Variants in TMEM150B observed in about 807,000 individuals in gnomAD.
TMEM150B encodes modulator of macroautophagy TMEM150B.
A neutral mutation model predicts 25.2 loss-of-function variants in TMEM150B; 33 were observed. The ratio of observed to expected loss-of-function variants is 1.31; its 90% CI spans 0.99 to 1.75. TMEM150B has a LOEUF of 1.75. Ranked by LOEUF, TMEM150B falls within the 40% of genes most tolerant of loss-of-function variation. TMEM150B has a pLI of 0.00. For missense variants in TMEM150B, 322 were observed against 306.1 expected (o/e 1.05, Z -0.39); for synonymous variants, 133 against 134.8 (o/e 0.99, Z 0.09).
chr19:55,312,935 C>CAG lies in TMEM150B; in HGVS notation c.624_625dup (p.Cys209SerfsTer?). The CAG allele has an allele frequency of 6.2e-7, 1 of 1,612,212 alleles. No individual in the cohort carries two copies. ...GGGCCACGGCTGAACACACAGGGTG[C>CAG]AGCTCTCCAGGGCGGAGAAGTCAAC... On this transcript the variant is annotated frameshift_variant, in exon 8 of 8. Coordinates refer to ENST00000326652, the MANE Select transcript of TMEM150B (RefSeq NM_001282011.2). LOFTEE classifies it low-confidence loss of function (END_TRUNC).
chr19:55,323,829 CAG>C (rs1390073657), intron 1 of TMEM150B, among the ~76,000 whole-genome samples: 1 of 85,156 alleles, frequency 1.2e-5, no homozygotes, highest in East Asian at 3.7e-4. Flanking sequence ...TTTTCTGAAA[CAG>C]AGTCTCCCTC....
Position 55,312,822 on chromosome 19 carries a change from T to C in TMEM150B, c.*37A>G. The C allele has an allele frequency of 6.5e-7, 1 of 1,537,962 alleles. No individual in the cohort carries two copies. The highest frequency in any genetic ancestry group is 8.8e-7 in the Non-Finnish European group (1 of 1,140,064). On this transcript the variant is annotated 3_prime_UTR_variant, in exon 8 of 8. Transcript: ENST00000326652. ...CTGGGATTGGCCCCATCTTTCCTGC[T>C]TCACTGGTGAGGGCAAGGCCCGGGT...
chr19:55,316,872 A>G lies in TMEM150B; in HGVS notation c.419T>C (p.Leu140Pro). ...YFWLQLLLWRLKRLPQPGAAW... is the reference protein window; with the variant it reads ...YFWLQLLLWRPKRLPQPGAAW... Reference sequence around the variant, plus strand: ...AGCCCCGGGCTGGGGCAGCCTCTTCAGCCTCCACAGGAGGAGCTGCAGCCA... The same window carrying G: ...AGCCCCGGGCTGGGGCAGCCTCTTCGGCCTCCACAGGAGGAGCTGCAGCCA... Residue 140 changes from leucine (L) to proline (P), a missense_variant, in exon 7 of 8, where the codon CTG (leucine) becomes CCG (proline). Transcript: ENST00000326652. The G allele has an allele frequency of 6.2e-7, 1 of 1,601,384 alleles. No individual in the cohort carries two copies. The highest frequency in any genetic ancestry group is 1.8e-5 in the Admixed American group (1 of 56,780).
In TMEM150B at chr19:55,320,172, A is replaced by C; in HGVS notation, c.197-6T>G. 1.2e-6 allele frequency: 2 copies of C among 1,613,382 alleles called. No individual in the cohort carries two copies. Among genetic ancestry groups the C allele is most frequent in the Non-Finnish European group, 1.7e-6 (2 of 1,179,666 alleles). On this transcript the variant is annotated splice_region_variant and splice_polypyrimidine_tract_variant and intron_variant, in intron 5 of 7. Coordinates refer to ENST00000326652, the MANE Select transcript of TMEM150B (RefSeq NM_001282011.2). ...GACAATGCAGATCCACGCGGCTGGG[A>C]GTAGAGGGGAGAAGGAAGTGGGAGG...
At chr19:55,317,148 G>A (rs948151515) in intron 6 of TMEM150B, among the ~76,000 whole-genome samples, 182 bp from the exon 7 acceptor site, 6 of 152,194 alleles carry the variant, frequency 3.9e-5, no homozygotes, top group African/African-American at 1.4e-4. Flanking sequence ...GAAATCTGTT[G>A]TTCACTGCTG....
intron 1 of TMEM150B, among the ~76,000 whole-genome samples, chr19:55,324,306 C>T (rs2089279419): frequency 1.3e-5 from 2 of 150,890 alleles, no homozygotes; most frequent in South Asian, 4.2e-4. Flanking sequence ...AGATCGAGAC[C>T]AGCCTGGCCA....
At chr19:55,318,721 G>A (rs1472162310) in intron 6 of TMEM150B, among the ~76,000 whole-genome samples, 1 of 152,194 alleles carries the variant, frequency 6.6e-6, no homozygotes, top group East Asian at 1.9e-4. Flanking sequence ...ATGGAATGAA[G>A]TCATGTACAA....
At chr19:55,315,516 C>T (rs1447951525) in intron 7 of TMEM150B, among the ~76,000 whole-genome samples, 1 of 152,070 alleles carries the variant, frequency 6.6e-6, no homozygotes, top group Non-Finnish European at 1.5e-5. Context: ...AATCCCAGCA[C>T]TTTGGGAGGC....
chr19:55,318,010 G>A (rs1302730192), intron 6 of TMEM150B, among the ~76,000 whole-genome samples: 2 of 152,064 alleles, frequency 1.3e-5, no homozygotes, highest in African/African-American at 4.8e-5. Flanking sequence ...TTCATGGGAA[G>A]AGGGGAGAAC....
chr19:55,320,459 C>T lies in TMEM150B; in HGVS notation c.129-1G>A. Reference sequence around the variant, plus strand: ...CTGAGGGGGGAAGGATCCGCAGATGCTGGGGAAGACAAAGGGGTCATCCTG... The same window carrying T: ...CTGAGGGGGGAAGGATCCGCAGATGTTGGGGAAGACAAAGGGGTCATCCTG... On this transcript the variant is annotated splice_acceptor_variant, in intron 4 of 7. Coordinates refer to ENST00000326652, the MANE Select transcript of TMEM150B (RefSeq NM_001282011.2). LOFTEE classifies it high-confidence loss of function. 6.3e-7 allele frequency: 1 copy of T among 1,594,546 alleles called. No homozygotes were observed. Among genetic ancestry groups the T allele is most frequent in the Non-Finnish European group, 8.6e-7 (1 of 1,169,342 alleles).
At chr19:55,309,847 G>A (rs1048577607), downstream of TMEM150B, among the ~76,000 whole-genome samples, 2 of 152,198 alleles carry the variant, frequency 1.3e-5, no homozygotes, top group African/African-American at 4.8e-5. Context: ...GAGACACGGG[G>A]TCACAGGGGA....
intron 6 of TMEM150B, among the ~76,000 whole-genome samples, chr19:55,318,601 A>C: frequency 6.6e-6 from 1 of 152,052 alleles, no homozygotes; most frequent in Non-Finnish European, 1.5e-5. Context: ...GCACTACTGC[A>C]CTCCAGCCTG....
intron 1 of TMEM150B, chr19:55,324,842 C>T (rs1410645798): frequency 1.0e-6 from 1 of 985,180 alleles, no homozygotes; most frequent in Non-Finnish European, 1.2e-6. Flanking sequence ...CTGAGCCACC[C>T]CCTGCCCTCA....
intron 2 of TMEM150B, among the ~76,000 whole-genome samples, chr19:55,322,389 C>T (rs891375988): frequency 1.4e-4 from 22 of 152,132 alleles, no homozygotes; most frequent in Non-Finnish European, 2.9e-4. Context: ...CCCCTTCACA[C>T]CTGAAGAACC....
In TMEM150B at chr19:55,312,901, G is replaced by C. The variant is rs1337832588; in HGVS notation, c.660C>G (p.Ser220Arg). The change falls in exon 8 of 8, where the codon AGC becomes AGG. Residue 220 changes from serine to arginine, a missense_variant. Physicochemically the swap from Ser to Arg is moderately radical, Grantham distance 110. Coordinates refer to ENST00000326652, the MANE Select transcript of TMEM150B (RefSeq NM_001282011.2). ...TLCVQPWPSL[S>R]PPPASPISLP... ...GGGAGATGGGGGAGGCCGGCGGGGG[G>C]CTGAGGCTGGGCCACGGCTGAACAC... The C allele has an allele frequency of 1.3e-5, 21 of 1,605,016 alleles. No homozygotes were observed. The highest frequency in any genetic ancestry group is 1.2e-4 in the African/African-American group (9 of 74,730).
chr19:55,314,584 T>A (rs1354813316), intron 7 of TMEM150B, among the ~76,000 whole-genome samples: 1 of 152,124 alleles, frequency 6.6e-6, no homozygotes, highest in African/African-American at 2.4e-5. Context: ...CTAGCTGTCT[T>A]TATGGTTCCC....
intron 6 of TMEM150B, among the ~76,000 whole-genome samples, chr19:55,318,880 A>G (rs1410129334): frequency 1.3e-5 from 2 of 152,146 alleles, no homozygotes; most frequent in Admixed American, 1.3e-4. Context: ...AGCTCACTGC[A>G]GCCTCGACCT....
At chr19:55,312,119 C>T (rs1037991554), downstream of TMEM150B, 5 of 778,134 alleles carry the variant, frequency 6.4e-6, no homozygotes, top group South Asian at 7.9e-5. Flanking sequence ...CCTTCCGTGC[C>T]CCCCAACTGT....
Position 55,320,991 on chromosome 19 carries a change from C to G in TMEM150B, c.46G>C (p.Ala16Pro). 1.2e-6 allele frequency: 2 copies of G among 1,613,872 alleles called. No homozygotes were observed. Among genetic ancestry groups the G allele is most frequent in the Non-Finnish European group, 1.7e-6 (2 of 1,179,882 alleles). ...SLMPVFLAVW[A>P]ISGVWIVFAI... ...CACACGATCCAGACGCCAGAGATAG[C>G]CCAGACAGCTAGGAAGACAGGCATC... The change falls in exon 3 of 8, where the codon GCT becomes CCT. Residue 16 changes from alanine to proline, a missense_variant. By Grantham distance (27) the Ala-to-Pro change is conservative. Transcript: ENST00000326652.
Sources: allele counts gnomAD v4.1 joint callset (sites outside exome capture counted in the v4.1 genomes callset), GRCh38; gene constraint gnomAD v4.1.1; transcripts MANE v1.5; gene names NCBI Gene and HGNC (gene_info 2026-07-23, HGNC 2026-07-21).